DIP2C: variants seen among roughly 807,000 people sequenced by gnomAD.
The protein encoded by DIP2C is DIP2 acetate--CoA ligase C (putative).
DIP2C carries 33 observed loss-of-function variants against 192.4 expected under a neutral mutation model. The ratio of observed to expected loss-of-function variants is 0.17; its 90% confidence interval spans 0.13 to 0.23. DIP2C has a LOEUF of 0.23. DIP2C is among the 10% of genes least tolerant of loss of function. DIP2C has a pLI of 1.00. For synonymous variants in DIP2C, 979 were observed against 864.1 expected (o/e 1.13, Z -2.33); for missense variants, 1,537 against 2,110.1 (o/e 0.73, Z 5.32).
chr10:406,608 A>G (rs1589720895), intron 9 of DIP2C, among the ~76,000 whole-genome samples: 1 of 152,216 alleles, frequency 6.6e-6, no homozygotes, highest in Admixed American at 6.5e-5. Flanking sequence ...TTGGGAAGGA[A>G]TTCAGTTCAT....
At chr10:475,491 C>T (rs10795194) in intron 2 of DIP2C, among the ~76,000 whole-genome samples, 125,387 of 152,068 alleles carry the variant, frequency 0.82, 55,477 homozygotes, top group Non-Finnish European at 0.97. Flanking sequence ...CCAACCCTAA[C>T]CTCCTCTTGG....
intron 1 of DIP2C, among the ~76,000 whole-genome samples, chr10:669,818 G>A (rs999785336): frequency 1.3e-5 from 2 of 152,208 alleles, no homozygotes; most frequent in African/African-American, 4.8e-5. Context: ...CTAGTCATGT[G>A]ATTTCCAATA....
intron 3 of DIP2C, among the ~76,000 whole-genome samples, chr10:456,483 G>C (rs1969308756): frequency 6.6e-6 from 1 of 152,170 alleles, no homozygotes; most frequent in Non-Finnish European, 1.5e-5. Flanking sequence ...GAGTAAATGA[G>C]TGACTGAATC....
At chr10:609,364 A>G (rs1852902597) in intron 1 of DIP2C, among the ~76,000 whole-genome samples, 1 of 152,232 alleles carries the variant, frequency 6.6e-6, no homozygotes, top group Non-Finnish European at 1.5e-5. Flanking sequence ...TTTGTAAAAT[A>G]AAAGCATCAA....
chr10:340,836 G>GT (rs1414732695), intron 29 of DIP2C: 3 of 462,552 alleles, frequency 6.5e-6, no homozygotes, highest in Non-Finnish European at 4.3e-6. Flanking sequence ...CCTGAGGGAG[G>GT]TGACAGCCTG....
intron 1 of DIP2C, among the ~76,000 whole-genome samples, chr10:500,500 T>C (rs1219324275): frequency 2.6e-5 from 4 of 152,238 alleles, no homozygotes; most frequent in African/African-American, 9.6e-5. Context: ...CCAAATGCCA[T>C]AGAAATTATC....
intron 15 of DIP2C, 101 bp from the exon 16 acceptor site, chr10:384,247 A>ATT: frequency 2.4e-6 from 3 of 1,226,972 alleles, no homozygotes; most frequent in Non-Finnish European, 3.4e-6. Flanking sequence ...GTGAAGAATC[A>ATT]CTGGTCACCC....
At chr10:305,036 C>T (rs903912607) in intron 32 of DIP2C, among the ~76,000 whole-genome samples, 4 of 151,514 alleles carry the variant, frequency 2.6e-5, no homozygotes, top group East Asian at 1.9e-4. Flanking sequence ...CATATATGCA[C>T]GTGTCTATAC....
At chr10:583,896 G>T in intron 1 of DIP2C, among the ~76,000 whole-genome samples, 1 of 152,186 alleles carries the variant, frequency 6.6e-6, no homozygotes, top group East Asian at 1.9e-4. Context: ...CAAGAACCAA[G>T]CACGTGCCTA....
At chr10:682,476 G>GAA (rs796339029) in intron 1 of DIP2C, among the ~76,000 whole-genome samples, 2 of 143,924 alleles carry the variant, frequency 1.4e-5, no homozygotes, top group East Asian at 4.0e-4. Context: ...AAAGTTAAAG[G>GAA]AAAAAAAAAA....
chr10:411,129 C>T (rs1453931235), intron 8 of DIP2C, among the ~76,000 whole-genome samples: 1 of 152,152 alleles, frequency 6.6e-6, no homozygotes, highest in Non-Finnish European at 1.5e-5. Context: ...GAAAGGTGGC[C>T]CAGCGTGCTG....
intron 16 of DIP2C, among the ~76,000 whole-genome samples, chr10:383,373 G>A (rs554616388): frequency 6.6e-6 from 1 of 152,236 alleles, no homozygotes; most frequent in East Asian, 1.9e-4. Context: ...TCATAAATGT[G>A]GTCAGATACC....
intron 10 of DIP2C, among the ~76,000 whole-genome samples, chr10:397,768 C>T (rs1964111769): frequency 6.6e-6 from 1 of 152,226 alleles, no homozygotes; most frequent in Non-Finnish European, 1.5e-5. Context: ...TAAAACCTTA[C>T]ATTGGTATGA....
chr10:345,278 T>C (rs1027072822), intron 26 of DIP2C, 168 bp from the exon 27 acceptor site: 10 of 744,844 alleles, frequency 1.3e-5, no homozygotes, highest in African/African-American at 3.5e-5. Flanking sequence ...GCTAGGAGTC[T>C]AGTTGTGGAG....
intron 31 of DIP2C, 78 bp downstream of exon 31, chr10:326,928 C>A: frequency 3.3e-6 from 5 of 1,498,304 alleles, no homozygotes; most frequent in Non-Finnish European, 3.6e-6. Context: ...CCGAGGGAGA[C>A]GAGTGGAGCC....
intron 13 of DIP2C, among the ~76,000 whole-genome samples, chr10:388,800 C>T (rs371959800): frequency 6.6e-6 from 1 of 152,248 alleles, no homozygotes; most frequent in Non-Finnish European, 1.5e-5. Context: ...ACCACGGCTT[C>T]GTGAAGTTCC....
In DIP2C at chr10:276,995, TAAC is replaced by T. The variant is rs1954553947; in HGVS notation, c.*327_*329del. The T allele has an allele frequency of 4.2e-6, 1 of 240,756 alleles. No individual in the cohort carries two copies. Among genetic ancestry groups the T allele is most frequent in the South Asian group, 8.1e-5 (1 of 12,296 alleles). 14.9% of individuals were successfully genotyped at this position (240,756 alleles called of 1,614,324 possible). A position where few individuals can be genotyped will look rare whatever the true frequency, so the allele number is the denominator to read the frequency against. On this transcript the variant is annotated 3_prime_UTR_variant, in exon 37 of 37. Coordinates refer to ENST00000280886, the MANE Select transcript of DIP2C (RefSeq NM_014974.3). ...TATTTTTTTAATTGCTATTTCGGCT[TAAC>T]AAAATACCACATTTACGAAGAAAGC...
At chr10:405,104 G>A (rs1273283186) in intron 9 of DIP2C, among the ~76,000 whole-genome samples, 1 of 152,208 alleles carries the variant, frequency 6.6e-6, no homozygotes, top group East Asian at 1.9e-4. Flanking sequence ...GTTCAGTTCT[G>A]ACTTGTTAAT....
At chr10:394,179 C>A (rs1207757632) in intron 10 of DIP2C, among the ~76,000 whole-genome samples, 1 of 152,208 alleles carries the variant, frequency 6.6e-6, no homozygotes, top group Non-Finnish European at 1.5e-5. Context: ...CAAAGACCCA[C>A]GAATGGATGC....
Sources: gnomAD v4.1 joint callset for allele counts (sites outside exome capture counted in the v4.1 genomes callset) on GRCh38, gnomAD v4.1.1 for gene constraint, MANE v1.5 for transcripts, NCBI Gene and HGNC (gene_info 2026-07-23, HGNC 2026-07-21) for gene names.